The following RARG variants were observed in gnomAD, a reference collection of about 807,000 sequenced individuals.
The protein encoded by RARG is RAR-gamma.
A neutral mutation model predicts 43.7 loss-of-function variants in RARG; 17 were observed. The ratio of observed to expected loss-of-function variants is 0.39; its 90% confidence interval spans 0.27 to 0.58. The LOEUF (loss-of-function observed/expected upper bound fraction) is 0.58. RARG is among the 20% of genes least tolerant of loss of function. The probability of loss-of-function intolerance (pLI) is 0.57; values close to 1 mark genes in which losing one functional copy is unlikely to be tolerated. For missense variants in RARG, 346 were observed against 598.7 expected, an observed-to-expected ratio of 0.58 and a Z score of 4.40; for synonymous variants, 238 against 236.4, an observed-to-expected ratio of 1.01 and a Z score of -0.06.
In RARG at chr12:53,213,680, C is replaced by T; in HGVS notation, c.834G>A (p.Arg278=). The part of the protein sequence containing the change: ...LDILMLRICT[R]YTPEQDTMTF... ...TCATGGTGTCCTGCTCTGGGGTGTA[C>T]CTTGTGCAGATACGCAGCATCTGGA... Residue 278 remains arginine (R), a synonymous_variant, in exon 8 of 10, where the codon AGG becomes AGA. Transcript: ENST00000425354. The surrounding 1 kb of genome is among the most constrained non-coding windows in gnomAD (Gnocchi z 4.7). 6.2e-7 allele frequency: 1 copy of T among 1,613,252 alleles called. No individual in the cohort carries two copies. The highest frequency in any genetic ancestry group is 1.1e-5 in the South Asian group (1 of 91,046).
rs781544661 is a variant in RARG at position 53,215,834 on chromosome 12, AC to A, written c.185-41del. On this transcript the variant is annotated intron_variant, in intron 3 of 9. Coordinates refer to ENST00000425354, the MANE Select transcript of RARG (RefSeq NM_000966.6). The surrounding 1 kb of genome is among the most constrained non-coding windows in gnomAD (Gnocchi z 6.4). ...GTGATGTGAGGGTCAGGGGAGAAGG[AC>A]CCCACAGACCTCCAGGCTTCCTCAT... 4.5e-5 allele frequency: 69 copies of A among 1,541,990 alleles called. No homozygotes were observed. The highest frequency in any genetic ancestry group is 5.6e-5 in the Non-Finnish European group (64 of 1,142,672).
chr12:53,216,842 G>A (rs1014224785), intron 3 of RARG, among the ~76,000 whole-genome samples: 1 of 85,788 alleles, frequency 1.2e-5, no homozygotes, highest in Non-Finnish European at 2.3e-5. Flanking sequence ...GTGTGTGTGT[G>A]CGCGCGCGCG....
intron 2 of RARG, among the ~76,000 whole-genome samples, chr12:53,230,858 T>C (rs1565733174): frequency 6.6e-6 from 1 of 151,552 alleles, no homozygotes; most frequent in African/African-American, 2.4e-5. Context: ...TGTGTGTGTG[T>C]GTGTGTGTGT....
intron 3 of RARG, among the ~76,000 whole-genome samples, chr12:53,219,316 C>G (rs1942878458): frequency 6.6e-6 from 1 of 152,208 alleles, no homozygotes; most frequent in Admixed American, 6.5e-5. Flanking sequence ...AGCCTTCTCC[C>G]TCTTGTGTGC....
intron 2 of RARG, chr12:53,229,767 A>G (rs1364428285): frequency 2.2e-5 from 4 of 184,702 alleles, no homozygotes; most frequent in Non-Finnish European, 3.1e-5. Flanking sequence ...CCCCATCCCC[A>G]TGTTCCCCAG....
chr12:53,215,421 C>T lies in RARG; in HGVS notation c.347G>A (p.Arg116Gln), dbSNP rs1942733003. 3 of 1,613,944 alleles carry T rather than the reference C, an allele frequency of 1.9e-6. No individual in the cohort carries two copies. Among genetic ancestry groups the T allele is most frequent in the African/African-American group, 1.3e-5 (1 of 74,880 alleles). Reference sequence around the variant, plus strand: ...GTACACCATGTTCTTCTGGATGCTTCGGCGAAAGAAGCCCTGGAGTTGAGG... The same window carrying T: ...GTACACCATGTTCTTCTGGATGCTTTGGCGAAAGAAGCCCTGGAGTTGAGG... ...SCEGCKGFFRRSIQKNMVYTC... is the reference protein window; with the variant it reads ...SCEGCKGFFRQSIQKNMVYTC... Residue 116 changes from arginine (R) to glutamine (Q), a missense_variant, in exon 5 of 10, where the codon CGA (arginine) becomes CAA (glutamine). Physicochemically the swap from Arg to Gln is conservative, Grantham distance 43. Transcript: ENST00000425354. This position sits in a 1 kb window ranked among gnomAD's most constrained non-coding sequence, Gnocchi z 6.4.
At chr12:53,228,517 C>G (rs537141623) in intron 2 of RARG, among the ~76,000 whole-genome samples, 95 of 152,136 alleles carry the variant, frequency 6.2e-4, no homozygotes, top group Non-Finnish European at 1.1e-3. Flanking sequence ...CTCAACACTC[C>G]CTCTTCCAGT....
At position 53,213,079 on chromosome 12, in the gene RARG, A is replaced by T. The variant is rs1409588517; in HGVS notation, c.1177+6T>A. The stretch of plus-strand genomic sequence containing the variant: ...GACAGAGAGGGGACACCCACTCATG[A>T]CTCACCCTTAGTGCTGATGCCCCGG... On this transcript the variant is annotated splice_donor_region_variant and intron_variant, in intron 9 of 9. Transcript: ENST00000425354. The surrounding 1 kb of genome is among the most constrained non-coding windows in gnomAD (Gnocchi z 4.7). 1 of 1,608,976 alleles carries T rather than the reference A, an allele frequency of 6.2e-7. No individual in the cohort carries two copies. Among genetic ancestry groups the T allele is most frequent in the Non-Finnish European group, 8.5e-7 (1 of 1,177,184 alleles).
chr12:53,220,099 A>C (rs1264076488), intron 3 of RARG: 7 of 1,550,204 alleles, frequency 4.5e-6, no homozygotes, highest in Non-Finnish European at 5.2e-6. Context: ...ACAGTCGTAC[A>C]TCGCGACCCG....
intron 9 of RARG, among the ~76,000 whole-genome samples, chr12:53,212,420 T>C (rs1436503408): frequency 1.3e-5 from 2 of 152,162 alleles, no homozygotes; most frequent in African/African-American, 4.8e-5. Context: ...CAGGTTTTTT[T>C]TGTTGTGTTG....
At chr12:53,231,667 C>T (rs921037749) in intron 1 of RARG, 2 of 163,916 alleles carry the variant, frequency 1.2e-5, no homozygotes, top group African/African-American at 4.8e-5. Flanking sequence ...CTCACATTCC[C>T]AGCACAAAAA....
rs146425112 is a variant in RARG at position 53,214,080 on chromosome 12, T to C, written c.792A>G (p.Lys264=). The C allele has an allele frequency of 5.8e-5, 93 of 1,613,778 alleles. No individual in the cohort carries two copies. The African/African-American group carries it at 1.1e-3, about 19-fold the overall frequency. ...TTACCAGGATATCTAGGCAGGCAGC[T>C]TTGAGCAGAGTGATCTGGTCAGCAA... The part of the protein sequence containing the change: ...LSIADQITLL[K]AACLDILMLR... The change falls in exon 7 of 10, where the codon AAA becomes AAG. Residue 264 remains lysine, a synonymous_variant. Transcript: ENST00000425354.
chr12:53,213,759 A>T lies in RARG; in HGVS notation c.814-59T>A. 2 of 1,493,664 alleles carry T rather than the reference A, an allele frequency of 1.3e-6. No individual in the cohort carries two copies. The highest frequency in any genetic ancestry group is 1.8e-6 in the Non-Finnish European group (2 of 1,082,020). 92.5% of individuals were successfully genotyped at this position (1,493,664 alleles called of 1,614,324 possible). A position where few individuals can be genotyped will look rare whatever the true frequency, so the allele number is the denominator to read the frequency against. ...TTTCTGGGGGATGGGGAAAAGAGGG[A>T]ATGAGTGGAAAGTGAGGAGGTTAGG... is the stretch of plus-strand genomic sequence containing the variant. On this transcript the variant is annotated intron_variant, in intron 7 of 9. Coordinates refer to ENST00000425354, the MANE Select transcript of RARG (RefSeq NM_000966.6). The surrounding 1 kb of genome is among the most constrained non-coding windows in gnomAD (Gnocchi z 4.7).
Position 53,215,162 on chromosome 12 carries a change from T to C in RARG, c.475+131A>G, listed in dbSNP as rs1419540164. ...TGGAGCTAATCAAATAAGACTGGCC[T>C]GGGAGAAGGCAGCACCCCAGGGCAG... On this transcript the variant is annotated intron_variant, in intron 5 of 9. Coordinates refer to ENST00000425354, the MANE Select transcript of RARG (RefSeq NM_000966.6). The surrounding 1 kb of genome is among the most constrained non-coding windows in gnomAD (Gnocchi z 6.4). 1.3e-5 allele frequency: 15 copies of C among 1,155,734 alleles called. No individual in the cohort carries two copies. The highest frequency in any genetic ancestry group is 1.8e-5 in the Non-Finnish European group (15 of 823,650). The allele number at this position is 1,155,734 out of a possible 1,614,324, so 71.6% of individuals were successfully genotyped here.
chr12:53,230,900 A>G (rs1215550099), intron 2 of RARG, among the ~76,000 whole-genome samples: 1 of 150,086 alleles, frequency 6.7e-6, no homozygotes, highest in African/African-American at 2.5e-5. Context: ...TCTATATGGG[A>G]TACCCAAGCT....
chr12:53,224,960 G>A (rs1170191300), intron 3 of RARG, among the ~76,000 whole-genome samples: 1 of 152,116 alleles, frequency 6.6e-6, no homozygotes, highest in African/African-American at 2.4e-5. Context: ...ACTGGGGACT[G>A]GGTACTAGCT....
chr12:53,221,796 A>C (rs1942972147), intron 3 of RARG, among the ~76,000 whole-genome samples: 1 of 150,022 alleles, frequency 6.7e-6, no homozygotes, highest in Non-Finnish European at 1.5e-5. Context: ...CGGCTCTGTC[A>C]GCGCCGCTCA....
intron 3 of RARG, among the ~76,000 whole-genome samples, chr12:53,222,286 G>A (rs1399851832): frequency 1.4e-5 from 2 of 143,470 alleles, no homozygotes; most frequent in African/African-American, 5.7e-5. Flanking sequence ...AAAGAGAAAG[G>A]AGGAGAAAGA....
chr12:53,224,384 T>C (rs1243752186), intron 3 of RARG, among the ~76,000 whole-genome samples: 1 of 152,086 alleles, frequency 6.6e-6, no homozygotes, highest in Admixed American at 6.5e-5. Context: ...GGGCCACCTC[T>C]CTTAGTCTAT....
Sources: gnomAD v4.1 joint callset for allele counts (sites outside exome capture counted in the v4.1 genomes callset) on GRCh38, gnomAD v4.1.1 for gene constraint, Gnocchi (gnomAD v3.1) non-coding constraint, MANE v1.5 for transcripts, NCBI Gene and HGNC (gene_info 2026-07-23, HGNC 2026-07-21) for gene names.